The following KLHL29 variants were observed in gnomAD, a reference collection of about 807,000 sequenced individuals.
KLHL29 encodes kelch like family member 29.
KLHL29 carries 21 observed loss-of-function variants against 80.4 expected under a neutral mutation model. The ratio of observed to expected loss-of-function variants is 0.26; its 90% CI spans 0.19 to 0.38. The LOEUF is 0.38. KLHL29 is among the 10% of genes least tolerant of loss of function. The probability of loss-of-function intolerance (pLI) is 1.00; values close to 1 mark genes in which losing one functional copy is unlikely to be tolerated. For missense variants in KLHL29, 867 were observed against 1,223.9 expected (o/e 0.71, Z 4.35); for synonymous variants, 511 against 526.8 (o/e 0.97, Z 0.41).
chr2:23,513,624 C>T (rs1050620043), intron 2 of KLHL29, among the ~76,000 whole-genome samples: 5 of 152,316 alleles, frequency 3.3e-5, no homozygotes, highest in Middle Eastern at 3.4e-3. Context: ...AACCGCTTGA[C>T]GTGATAATCC....
intron 3 of KLHL29, chr2:23,616,989 G>C (rs1375529854): frequency 6.6e-6 from 1 of 152,258 alleles, no homozygotes; most frequent in South Asian, 2.1e-4. Flanking sequence ...TGTTTGCCCA[G>C]CCCGGTTTGA....
At chr2:23,524,100 A>T (rs13430014) in intron 2 of KLHL29, 22,372 of 468,746 alleles carry the variant, frequency 0.048, 1,816 homozygotes, top group African/African-American at 0.26. Context: ...ATGACACCTC[A>T]GTGTCGTAGG....
At chr2:23,694,575 G>A (rs1023488772) in intron 8 of KLHL29, among the ~76,000 whole-genome samples, 5 of 152,206 alleles carry the variant, frequency 3.3e-5, no homozygotes, top group Admixed American at 2.0e-4. Flanking sequence ...TTGAGCATGA[G>A]CATGAGCTGG....
intron 3 of KLHL29, among the ~76,000 whole-genome samples, chr2:23,616,300 G>C (rs1669002672): frequency 6.6e-6 from 1 of 152,152 alleles, no homozygotes; most frequent in South Asian, 2.1e-4. Context: ...TGACAGAAAG[G>C]CTGCGGAGGT....
At chr2:23,539,641 T>C (rs1666778547) in intron 2 of KLHL29, among the ~76,000 whole-genome samples, 1 of 151,806 alleles carries the variant, frequency 6.6e-6, no homozygotes, top group African/African-American at 2.4e-5. Context: ...GGGGTCTCAC[T>C]ATGTTGCCTA....
At chr2:23,531,638 C>T (rs1476426721) in intron 2 of KLHL29, among the ~76,000 whole-genome samples, 1 of 152,120 alleles carries the variant, frequency 6.6e-6, no homozygotes, top group Non-Finnish European at 1.5e-5. Context: ...AGATTGACTG[C>T]AGTTAGTGAC....
chr2:23,625,185 GTT>G (rs553317536), intron 3 of KLHL29, among the ~76,000 whole-genome samples: 159 of 152,370 alleles, frequency 1.0e-3, no homozygotes, highest in Admixed American at 3.7e-3. Flanking sequence ...TTGATCCAGA[GTT>G]TCTCCTTCCT....
Position 23,695,584 on chromosome 2 carries a change from T to A in KLHL29, c.1543-39T>A. ...TTTCCGTCCGGGAGGTGGCTCTCTC[T>A]TGCTAGTCTAAGAAGATTCTGTCTC... On this transcript the variant is annotated intron_variant, in intron 8 of 13. Coordinates refer to ENST00000486442, the MANE Select transcript of KLHL29 (RefSeq NM_052920.2). This position sits in a 1 kb window ranked among gnomAD's most constrained non-coding sequence, Gnocchi z 7.6. 2.1e-6 allele frequency: 3 copies of A among 1,436,620 alleles called. No homozygotes were observed. Among genetic ancestry groups the A allele is most frequent in the Non-Finnish European group, 2.8e-6 (3 of 1,064,940 alleles). 89.0% of individuals were successfully genotyped at this position (1,436,620 alleles called of 1,614,324 possible). A position where few individuals can be genotyped will look rare whatever the true frequency, so the allele number is the denominator to read the frequency against.
chr2:23,533,868 G>A (rs1309107424), intron 2 of KLHL29, among the ~76,000 whole-genome samples: 2 of 151,338 alleles, frequency 1.3e-5, no homozygotes, highest in Non-Finnish European at 2.9e-5. Flanking sequence ...ACTGCTTTCA[G>A]AAAAAACAAA....
intron 1 of KLHL29, among the ~76,000 whole-genome samples, chr2:23,452,868 A>C (rs1663924075): frequency 6.6e-6 from 1 of 151,938 alleles, no homozygotes; most frequent in Admixed American, 6.6e-5. Context: ...TAGGAGAGTA[A>C]GTGGGCTCTG....
rs552234991 is a variant in KLHL29, at chr2:23,703,093, G to A, written c.2106-93G>A. The A allele has an allele frequency of 1.9e-5, 17 of 904,900 alleles. No individual in the cohort carries two copies. In the South Asian group the frequency reaches 1.9e-4, roughly 10 times the overall value. 56.1% of individuals were successfully genotyped at this position (904,900 alleles called of 1,614,324 possible). On this transcript the variant is annotated intron_variant, in intron 11 of 13. Coordinates refer to ENST00000486442, the MANE Select transcript of KLHL29 (RefSeq NM_052920.2). The stretch of plus-strand genomic sequence containing the variant: ...AGGCTATGCTGGCCATGCTGAGGGC[G>A]AGGAGCAGATGGCAGTTTGCTGCCC...
intron 1 of KLHL29, among the ~76,000 whole-genome samples, chr2:23,440,864 C>T (rs1248117229): frequency 6.6e-6 from 1 of 152,132 alleles, no homozygotes; most frequent in East Asian, 1.9e-4. Context: ...AATAGGAACA[C>T]TTTTACACTG....
chr2:23,625,765 A>T (rs1042847000), intron 3 of KLHL29, among the ~76,000 whole-genome samples: 1 of 152,116 alleles, frequency 6.6e-6, no homozygotes, highest in Admixed American at 6.5e-5. Context: ...TACCATTGTG[A>T]TGGTGTTTGG....
Position 23,562,049 on chromosome 2 carries a change from G to A in KLHL29, c.-45-103G>A. 3.8e-6 allele frequency: 3 copies of A among 797,994 alleles called. No homozygotes were observed. Among genetic ancestry groups the A allele is most frequent in the South Asian group, 1.7e-5 (1 of 57,704 alleles). The allele number at this position is 797,994 out of a possible 1,614,324, so 49.4% of individuals were successfully genotyped here. ...GTGACTCTGAAATGAGCTAATGTTT[G>A]AAGGCCTGTTATTGAACCCAGAGAA... On this transcript the variant is annotated intron_variant, in intron 2 of 13. Coordinates refer to ENST00000486442, the MANE Select transcript of KLHL29 (RefSeq NM_052920.2). The surrounding 1 kb of genome is among the most constrained non-coding windows in gnomAD (Gnocchi z 4.5).
At chr2:23,550,975 G>A (rs1667108607) in intron 2 of KLHL29, among the ~76,000 whole-genome samples, 1 of 152,242 alleles carries the variant, frequency 6.6e-6, no homozygotes, top group African/African-American at 2.4e-5. Context: ...GACTGGGATC[G>A]TGTGTTTGCA....
chr2:23,598,592 C>T (rs1668487872), intron 3 of KLHL29, among the ~76,000 whole-genome samples: 1 of 152,188 alleles, frequency 6.6e-6, no homozygotes, highest in Non-Finnish European at 1.5e-5. Context: ...TCACCCCTCT[C>T]CAAGGACTGA....
chr2:23,492,840 G>T (rs1238816720), intron 2 of KLHL29, among the ~76,000 whole-genome samples: 2 of 152,008 alleles, frequency 1.3e-5, no homozygotes, highest in East Asian at 3.9e-4. Context: ...TTGCCCATCG[G>T]CTGGGTTCCT....
chr2:23,428,470 C>T (rs1018417158), intron 1 of KLHL29, among the ~76,000 whole-genome samples: 7 of 152,074 alleles, frequency 4.6e-5, no homozygotes, highest in African/African-American at 9.7e-5. Flanking sequence ...ATGGGTGTCC[C>T]GGTCTCAGCT....
intron 3 of KLHL29, among the ~76,000 whole-genome samples, chr2:23,591,818 C>T (rs1484601171): frequency 6.6e-6 from 1 of 152,194 alleles, no homozygotes; most frequent in Non-Finnish European, 1.5e-5. Flanking sequence ...TGCCCACACC[C>T]ACCCGCCCCT....
Sources: gnomAD v4.1 joint callset for allele counts (sites outside exome capture counted in the v4.1 genomes callset) on GRCh38, gnomAD v4.1.1 for gene constraint, Gnocchi (gnomAD v3.1) non-coding constraint, MANE v1.5 for transcripts, NCBI Gene and HGNC (gene_info 2026-07-23, HGNC 2026-07-21) for gene names.